GARNL3: variants seen among roughly 807,000 people sequenced by gnomAD.
The protein encoded by GARNL3 is GTPase activating Rap/RanGAP domain like 3, also known as GTPase-activating Rap/Ran-GAP domain-like protein 3.
A neutral mutation model predicts 125.0 loss-of-function variants in GARNL3; 63 were observed. That is an observed-to-expected ratio of 0.50 (90% confidence interval 0.41 to 0.62). GARNL3 has a LOEUF of 0.62. Ranked by LOEUF, GARNL3 falls within the 20% of genes least tolerant of loss-of-function variation. The pLI is 0.00. For missense variants in GARNL3, 994 were observed against 1,244.0 expected (o/e 0.80, Z 3.02); for synonymous variants, 439 against 457.5 (o/e 0.96, Z 0.52).
intron 1 of GARNL3, among the ~76,000 whole-genome samples, chr9:127,231,461 T>C (rs2063018551): frequency 6.6e-6 from 1 of 152,134 alleles, no homozygotes; most frequent in Non-Finnish European, 1.5e-5. Flanking sequence ...TTTTAAAATA[T>C]TTTCTATTGC....
At chr9:127,234,002 C>CT (rs1341027994) in intron 1 of GARNL3, among the ~76,000 whole-genome samples, 1 of 152,014 alleles carries the variant, frequency 6.6e-6, no homozygotes, top group East Asian at 1.9e-4. Flanking sequence ...TCCGTTATTA[C>CT]TTTTTTTGTT....
chr9:127,270,557 T>C (rs1189495407), intron 1 of GARNL3, among the ~76,000 whole-genome samples: 1 of 152,348 alleles, frequency 6.6e-6, no homozygotes, highest in East Asian at 1.9e-4. Context: ...TCATTCTTAC[T>C]GATGGATTCT....
At chr9:127,258,495 C>T (rs1283703160) in intron 2 of GARNL3, among the ~76,000 whole-genome samples, 4 of 151,872 alleles carry the variant, frequency 2.6e-5, no homozygotes, top group South Asian at 2.1e-4. Context: ...GAAAATTAGC[C>T]GGGTGTGGTG....
chr9:127,345,802 C>T (rs1442532115), intron 16 of GARNL3, among the ~76,000 whole-genome samples: 1 of 152,252 alleles, frequency 6.6e-6, no homozygotes, highest in Non-Finnish European at 1.5e-5. Flanking sequence ...TGTTCTGATC[C>T]AGTAGGTCTG....
At position 127,318,127 on chromosome 9, in the gene GARNL3, G is replaced by C; in HGVS notation, c.503G>C (p.Ser168Thr). ...ACTCTTTCTGTGAAGTCCATCTTAA[G>C]GTGAGTTCTAATGGGTAGAAACCCC... Reference protein sequence around the residue: ...TKTLSVKSILSAMNLDKFEKG... With the variant: ...TKTLSVKSILTAMNLDKFEKG... Residue 168 changes from serine (S) to threonine (T), a missense_variant and splice_region_variant, in exon 5 of 28, where the codon AGT becomes ACT. Ser to Thr is a moderately conservative substitution (Grantham distance 58). This residue lies in a region of GARNL3 where 139 missense variants were observed against 231.6 expected (regional missense o/e 0.60). Coordinates refer to ENST00000373387, the MANE Select transcript of GARNL3 (RefSeq NM_032293.5). 6.3e-7 allele frequency: 1 copy of C among 1,583,010 alleles called. No homozygotes were observed. The highest frequency in any genetic ancestry group is 2.2e-5 in the East Asian group (1 of 44,736).
chr9:127,326,811 G>T (rs1399961449), intron 7 of GARNL3, among the ~76,000 whole-genome samples: 1 of 152,120 alleles, frequency 6.6e-6, no homozygotes, highest in Non-Finnish European at 1.5e-5. Flanking sequence ...AAGGGAGCTT[G>T]TTTGCCCCTT....
chr9:127,367,262 A>G (rs1831336196), intron 22 of GARNL3: 1 of 152,234 alleles, frequency 6.6e-6, no homozygotes, highest in African/African-American at 2.4e-5. Context: ...TCTTGACTTG[A>G]TCACAGACGC....
rs767685914 is a variant in GARNL3, at chr9:127,313,471, A to C, written c.350A>C (p.Glu117Ala). 3 of 1,614,082 alleles carry C rather than the reference A, an allele frequency of 1.9e-6. No individual in the cohort carries two copies. Among genetic ancestry groups the C allele is most frequent in the Non-Finnish European group, 1.7e-6 (2 of 1,179,912 alleles). The part of the protein sequence containing the change: ...VHQNYIGNDA[E>A]KSPFFLSVTL... Reference sequence around the variant, plus strand: ...CAGAACTACATTGGAAACGATGCCGAGAAGAGCCCTTTCTTCTTGTCCGTG... The same window carrying C: ...CAGAACTACATTGGAAACGATGCCGCGAAGAGCCCTTTCTTCTTGTCCGTG... The change falls in exon 4 of 28, where the codon GAG becomes GCG. Residue 117 changes from glutamate (E) to alanine (A), a missense_variant. Transcript: ENST00000373387.
chr9:127,299,006 A>G (rs1290880647), intron 2 of GARNL3, among the ~76,000 whole-genome samples: 1 of 152,058 alleles, frequency 6.6e-6, no homozygotes, highest in Non-Finnish European at 1.5e-5. Flanking sequence ...GGCTTTTCCA[A>G]AAATAAAAAG....
chr9:127,285,982 A>C (rs992196763), intron 1 of GARNL3, among the ~76,000 whole-genome samples: 1 of 150,030 alleles, frequency 6.7e-6, no homozygotes, highest in Non-Finnish European at 1.5e-5. Context: ...TGTTCTGTTT[A>C]CCTTTAGGAG....
intron 22 of GARNL3, among the ~76,000 whole-genome samples, chr9:127,371,169 C>G (rs1186650853): frequency 6.6e-6 from 1 of 152,198 alleles, no homozygotes; most frequent in Non-Finnish European, 1.5e-5. Context: ...TCCAAATGGC[C>G]TATCTTTTAT....
chr9:127,260,368 G>C (rs1432374763), upstream of GARNL3, among the ~76,000 whole-genome samples: 1 of 152,180 alleles, frequency 6.6e-6, no homozygotes, highest in Non-Finnish European at 1.5e-5. Flanking sequence ...CAGATTAACT[G>C]ACTTACAACC....
chr9:127,293,506 G>A (rs2812273), intron 2 of GARNL3, among the ~76,000 whole-genome samples: 1 of 152,000 alleles, frequency 6.6e-6, no homozygotes, highest in South Asian at 2.1e-4. Flanking sequence ...TTGCTGGCAC[G>A]TCCGTTGTCA....
chr9:127,308,718 A>G (rs1377228363), intron 2 of GARNL3, among the ~76,000 whole-genome samples: 1 of 152,218 alleles, frequency 6.6e-6, no homozygotes, highest in Non-Finnish European at 1.5e-5. Context: ...TAGAATACAG[A>G]TGGCATCAAT....
At chr9:127,369,929 A>T (rs1017857818) in intron 22 of GARNL3, among the ~76,000 whole-genome samples, 1 of 152,190 alleles carries the variant, frequency 6.6e-6, no homozygotes. Context: ...GGAAGCCATC[A>T]GGACACAGTG....
intron 2 of GARNL3, among the ~76,000 whole-genome samples, chr9:127,252,394 A>T (rs1394657605): frequency 6.6e-6 from 1 of 152,220 alleles, no homozygotes; most frequent in South Asian, 2.1e-4. Flanking sequence ...ATGGATACAC[A>T]GCCTGTTTAT....
intron 3 of GARNL3, among the ~76,000 whole-genome samples, chr9:127,312,487 T>C (rs2065122830): frequency 6.6e-6 from 1 of 150,678 alleles, no homozygotes; most frequent in Non-Finnish European, 1.5e-5. Context: ...AATAGCTATG[T>C]ACATTTAAAG....
intron 1 of GARNL3, chr9:127,225,263 G>GCCCGAGC (rs1241391757): frequency 1.4e-6 from 1 of 736,990 alleles, no homozygotes; most frequent in Non-Finnish European, 1.7e-6. Flanking sequence ...GCCGGCCGAG[G>GCCCGAGC]CCCGAGCCCA....
At chr9:127,286,008 C>G (rs1665033726) in intron 1 of GARNL3, among the ~76,000 whole-genome samples, 1 of 81,342 alleles carries the variant, frequency 1.2e-5, no homozygotes, top group African/African-American at 3.1e-5. Flanking sequence ...CCAGGCTCCT[C>G]TTTATCCACT....
Sources: allele counts gnomAD v4.1 joint callset (sites outside exome capture counted in the v4.1 genomes callset), GRCh38; gene constraint gnomAD v4.1.1; regional missense constraint gnomAD v4.1.1; transcripts MANE v1.5; gene names NCBI Gene and HGNC (gene_info 2026-07-23, HGNC 2026-07-21).